Variants in MFSD2A observed in about 807,000 individuals in gnomAD.
MFSD2A encodes the protein sodium-dependent lysophosphatidylcholine symporter 1.
A neutral mutation model predicts 64.7 loss-of-function variants in MFSD2A; 27 were observed. That is an observed-to-expected ratio of 0.42 (90% CI 0.31 to 0.58). The LOEUF is 0.58. Among genes scored for constraint, MFSD2A ranks in the 20% least tolerant of loss-of-function variants. The pLI is 0.18. For synonymous variants in MFSD2A, 258 were observed against 273.4 expected (o/e 0.94, Z 0.55); for missense variants, 474 against 679.5 (o/e 0.70, Z 3.36).
rs1379587540 is a variant in MFSD2A, at chr1:39,967,154, A to C, written c.996A>C (p.Leu332=). Residue 332 remains leucine, a synonymous_variant, in exon 9 of 14, where the codon CTA becomes CTC. Coordinates refer to ENST00000372811, the MANE Select transcript of MFSD2A (RefSeq NM_032793.5). ...TLGFRNEFQN[L]LLAIMLSATL... is the part of the protein sequence containing the mutation. ...GCTTCCGCAATGAATTCCAGAATCTACTCCTGGCCATCATGGTGAGTGGGA... is the reference window on the plus strand; with the variant it reads ...GCTTCCGCAATGAATTCCAGAATCTCCTCCTGGCCATCATGGTGAGTGGGA... The C allele has an allele frequency of 6.2e-7, 1 of 1,612,652 alleles. No individual in the cohort carries two copies. The highest frequency in any genetic ancestry group is 8.5e-7 in the Non-Finnish European group (1 of 1,179,670).
chr1:39,968,163 A>C lies in MFSD2A; in HGVS notation c.1209-171A>C, dbSNP rs1270513372. 1 of 786,940 alleles carries C rather than the reference A, an allele frequency of 1.3e-6. No homozygotes were observed. The highest frequency in any genetic ancestry group is 2.0e-6 in the Non-Finnish European group (1 of 503,324). 48.7% of individuals were successfully genotyped at this position (786,940 alleles called of 1,614,324 possible). On this transcript the variant is annotated intron_variant, in intron 11 of 13. Transcript: ENST00000372811. The surrounding 1 kb of genome is among the most constrained non-coding windows in gnomAD (Gnocchi z 4.4). ...CTTGCCACGCTGAGCACCTCCAGGC[A>C]GGGTTACTTCCTCTTAGAGCAAGAG...
Position 39,969,538 on chromosome 1 carries a change from A to T in MFSD2A, c.1563A>T (p.Thr521=). ...DEASSSGCSE[T]DSTELASIL is the part of the protein sequence containing the mutation. ...CCAGCAGCTCTGGCTGCTCAGAAAC[A>T]GACTCCACAGAGCTGGCTAGCATCC... is the stretch of plus-strand genomic sequence containing the variant. The change falls in exon 14 of 14, where the codon ACA becomes ACT. Residue 521 remains threonine, a synonymous_variant. Coordinates refer to ENST00000372811, the MANE Select transcript of MFSD2A (RefSeq NM_032793.5). The T allele has an allele frequency of 3.8e-6, 6 of 1,599,546 alleles. No homozygotes were observed. In the East Asian group the frequency reaches 1.4e-4, roughly 37 times the overall value.
intron 1 of MFSD2A, among the ~76,000 whole-genome samples, chr1:39,956,159 G>A (rs900546464): frequency 6.6e-6 from 1 of 152,218 alleles, no homozygotes; most frequent in Non-Finnish European, 1.5e-5. Context: ...CCCGGAGAGG[G>A]ATCAGGCCTG....
rs781649203 is a variant in MFSD2A, at chr1:39,966,904, G to C, written c.899G>C (p.Gly300Ala). Residue 300 changes from glycine (G) to alanine (A), a missense_variant, in exon 8 of 14, where the codon GGC becomes GCC. Transcript: ENST00000372811. ...GGCCCATACATCAAACTTATTACTG[G>C]CTTCCTCTTCACCTCCTTGGCTTTC... is the stretch of plus-strand genomic sequence containing the variant. ...SHGPYIKLIT[G>A]FLFTSLAFML... 1 of 1,613,490 alleles carries C rather than the reference G, an allele frequency of 6.2e-7. No homozygotes were observed. The highest frequency in any genetic ancestry group is 8.5e-7 in the Non-Finnish European group (1 of 1,180,030).
Position 39,963,987 on chromosome 1 carries a change from C to T in MFSD2A, c.354-1224C>T, listed in dbSNP as rs140598965. ...CTGACCTCAGGTGATCCACTTGACTCAGTCTCCCAAAGTGCTGGGATTACA... is the reference window on the plus strand; with the variant it reads ...CTGACCTCAGGTGATCCACTTGACTTAGTCTCCCAAAGTGCTGGGATTACA... On this transcript the variant is annotated intron_variant, in intron 3 of 13. Coordinates refer to ENST00000372811, the MANE Select transcript of MFSD2A (RefSeq NM_032793.5). This position sits in a 1 kb window ranked among gnomAD's most constrained non-coding sequence, Gnocchi z 4.2. Among the ~76,000 whole-genome samples the T allele has an allele frequency of 1.2e-3, 185 of 152,366 alleles. No individual in the cohort carries two copies. The highest frequency in any genetic ancestry group is 4.3e-3 in the African/African-American group (178 of 41,592).
intron 1 of MFSD2A, 71 bp from the exon 2 acceptor site, chr1:39,957,016 G>T: frequency 6.3e-7 from 1 of 1,576,586 alleles, no homozygotes; most frequent in Non-Finnish European, 8.7e-7. Context: ...CAGAGGGATG[G>T]TCCTTCCTGT....
chr1:39,958,623 C>T lies in MFSD2A; in HGVS notation c.229-78C>T, dbSNP rs1644974173. On this transcript the variant is annotated intron_variant, in intron 2 of 13. Coordinates refer to ENST00000372811, the MANE Select transcript of MFSD2A (RefSeq NM_032793.5). The surrounding 1 kb of genome is among the most constrained non-coding windows in gnomAD (Gnocchi z 4.7). ...GATCCTGGCTGAGATAGGGAGGGAG[C>T]CTCTGCTTCTGCCTACCAGTGAGAG... 6.2e-7 allele frequency: 1 copy of T among 1,612,820 alleles called. No individual in the cohort carries two copies. The highest frequency in any genetic ancestry group is 2.2e-5 in the East Asian group (1 of 44,880).
intron 9 of MFSD2A, 153 bp from the exon 10 acceptor site, chr1:39,967,475 C>T (rs781384575): frequency 2.6e-5 from 19 of 725,944 alleles, no homozygotes; most frequent in South Asian, 6.5e-5. Flanking sequence ...CCTGGGGAGC[C>T]GTCAAAGGTG....
In MFSD2A at chr1:39,960,207, C is replaced by T. The variant is rs1462590228; in HGVS notation, c.353+1382C>T. On this transcript the variant is annotated intron_variant, in intron 3 of 13. Coordinates refer to ENST00000372811, the MANE Select transcript of MFSD2A (RefSeq NM_032793.5). The surrounding 1 kb of genome is among the most constrained non-coding windows in gnomAD (Gnocchi z 4.8). ...GCTGTCAGGCGGGGGCTCTGGTTCCCTCCAGGACATCCTGCTTCAGGGTGT... is the reference window on the plus strand; with the variant it reads ...GCTGTCAGGCGGGGGCTCTGGTTCCTTCCAGGACATCCTGCTTCAGGGTGT... Among the ~76,000 whole-genome samples the T allele has an allele frequency of 2.0e-5, 3 of 152,232 alleles. No homozygotes were observed. Among genetic ancestry groups the T allele is most frequent in the Admixed American group, 6.5e-5 (1 of 15,282 alleles).
intron 1 of MFSD2A, among the ~76,000 whole-genome samples, chr1:39,956,113 A>G (rs1269024302): frequency 6.6e-6 from 1 of 152,154 alleles, no homozygotes; most frequent in Non-Finnish European, 1.5e-5. Context: ...AGTAATATCT[A>G]CTTTCCCTGG....
Position 39,968,161 on chromosome 1 carries a change from G to T in MFSD2A, c.1209-173G>T. 1 of 782,680 alleles carries T rather than the reference G, an allele frequency of 1.3e-6. No homozygotes were observed. Among genetic ancestry groups the T allele is most frequent in the Non-Finnish European group, 2.0e-6 (1 of 499,628 alleles). 48.5% of individuals were successfully genotyped at this position (782,680 alleles called of 1,614,324 possible). A position where few individuals can be genotyped will look rare whatever the true frequency, so the allele number is the denominator to read the frequency against. Reference sequence around the variant, plus strand: ...CACTTGCCACGCTGAGCACCTCCAGGCAGGGTTACTTCCTCTTAGAGCAAG... The same window carrying T: ...CACTTGCCACGCTGAGCACCTCCAGTCAGGGTTACTTCCTCTTAGAGCAAG... On this transcript the variant is annotated intron_variant, in intron 11 of 13. Transcript: ENST00000372811. This position sits in a 1 kb window ranked among gnomAD's most constrained non-coding sequence, Gnocchi z 4.4.
chr1:39,966,723 T>G, intron 7 of MFSD2A, 32 bp downstream of exon 7: 1 of 1,613,210 alleles, frequency 6.2e-7, no homozygotes, highest in Non-Finnish European at 8.5e-7. Flanking sequence ...GGTGCAGGCC[T>G]CAGCATGGAC....
chr1:39,962,682 C>G (rs562189830), intron 3 of MFSD2A: 1 of 780,808 alleles, frequency 1.3e-6, no homozygotes, highest in South Asian at 1.5e-5. Flanking sequence ...GGGCCCGGGC[C>G]GAAGCTGCGG....
At position 39,966,856 on chromosome 1, in the gene MFSD2A, G is replaced by T; in HGVS notation, c.851G>T (p.Gly284Val). The change falls in exon 8 of 14, where the codon GGC becomes GTC. Residue 284 changes from glycine (G) to valine (V), a missense_variant. Physicochemically the swap from Gly to Val is moderately radical, Grantham distance 109 (BLOSUM62 -3). Coordinates refer to ENST00000372811, the MANE Select transcript of MFSD2A (RefSeq NM_032793.5). ...QQSEPIAYFR[G>V]LRLVMSHGPY... ...TCTGAGCCAATCGCCTACTTCCGGGGCCTACGGCTGGTCATGAGCCACGGC... is the reference window on the plus strand; with the variant it reads ...TCTGAGCCAATCGCCTACTTCCGGGTCCTACGGCTGGTCATGAGCCACGGC... 6.2e-7 allele frequency: 1 copy of T among 1,613,992 alleles called. No individual in the cohort carries two copies. Among genetic ancestry groups the T allele is most frequent in the Non-Finnish European group, 8.5e-7 (1 of 1,180,046 alleles).
Position 39,955,411 on chromosome 1 carries a change from G to C in MFSD2A, c.93+26G>C. The C allele has an allele frequency of 6.6e-7, 1 of 1,509,538 alleles. No individual in the cohort carries two copies. The highest frequency in any genetic ancestry group is 8.9e-7 in the Non-Finnish European group (1 of 1,128,654). The allele number at this position is 1,509,538 out of a possible 1,614,324, so 93.5% of individuals were successfully genotyped here. On this transcript the variant is annotated intron_variant, in intron 1 of 13. Transcript: ENST00000372811. This position sits in a 1 kb window ranked among gnomAD's most constrained non-coding sequence, Gnocchi z 5.9. Reference sequence around the variant, plus strand: ...GTGAGGGCCCGGCACCCCGCGTGGAGGGCGAGGGGAGGGAGGAGGCGGAAA... The same window carrying C: ...GTGAGGGCCCGGCACCCCGCGTGGACGGCGAGGGGAGGGAGGAGGCGGAAA...
In MFSD2A at chr1:39,955,390, G is replaced by T; in HGVS notation, c.93+5G>T. ...GAACGCCCGGCCCAGGTGAAGGTGAGGGCCCGGCACCCCGCGTGGAGGGCG... is the reference window on the plus strand; with the variant it reads ...GAACGCCCGGCCCAGGTGAAGGTGATGGCCCGGCACCCCGCGTGGAGGGCG... On this transcript the variant is annotated splice_donor_5th_base_variant and intron_variant, in intron 1 of 13. Coordinates refer to ENST00000372811, the MANE Select transcript of MFSD2A (RefSeq NM_032793.5). The surrounding 1 kb of genome is among the most constrained non-coding windows in gnomAD (Gnocchi z 5.9). 6.6e-7 allele frequency: 1 copy of T among 1,509,220 alleles called. No individual in the cohort carries two copies. The highest frequency in any genetic ancestry group is 8.9e-7 in the Non-Finnish European group (1 of 1,129,316). The allele number at this position is 1,509,220 out of a possible 1,614,324, so 93.5% of individuals were successfully genotyped here.
intron 9 of MFSD2A, 65 bp from the exon 10 acceptor site, chr1:39,967,563 G>A: frequency 2.0e-6 from 3 of 1,480,252 alleles, no homozygotes; most frequent in East Asian, 4.5e-5. Context: ...TGGGGTTCTG[G>A]GAAGGGCAGG....
Position 39,955,440 on chromosome 1 carries a change from G to A in MFSD2A, c.93+55G>A, listed in dbSNP as rs2124751745. 6.7e-7 allele frequency: 1 copy of A among 1,483,892 alleles called. No homozygotes were observed. The highest frequency in any genetic ancestry group is 9.0e-7 in the Non-Finnish European group (1 of 1,106,242). 91.9% of individuals were successfully genotyped at this position (1,483,892 alleles called of 1,614,324 possible). ...GAGGGGAGGGAGGAGGCGGAAATGG[G>A]GGATCAGGGGCGTCCCGGGGTCGGC... On this transcript the variant is annotated intron_variant, in intron 1 of 13. Coordinates refer to ENST00000372811, the MANE Select transcript of MFSD2A (RefSeq NM_032793.5). This position sits in a 1 kb window ranked among gnomAD's most constrained non-coding sequence, Gnocchi z 5.9.
chr1:39,955,681 G>T lies in MFSD2A; in HGVS notation c.93+296G>T, dbSNP rs1166366608. On this transcript the variant is annotated intron_variant, in intron 1 of 13. Coordinates refer to ENST00000372811, the MANE Select transcript of MFSD2A (RefSeq NM_032793.5). This position sits in a 1 kb window ranked among gnomAD's most constrained non-coding sequence, Gnocchi z 5.9. ...GGTTTCCATTCTTCCGTGTTGAGCG[G>T]CTGGGGCTTGCCGCCCCAAACCCCA... The T allele has an allele frequency of 1.6e-6, 1 of 621,500 alleles. No individual in the cohort carries two copies. Among genetic ancestry groups the T allele is most frequent in the Non-Finnish European group, 3.0e-6 (1 of 333,228 alleles). The allele number at this position is 621,500 out of a possible 1,614,324, so 38.5% of individuals were successfully genotyped here.
Sources: allele counts gnomAD v4.1 joint callset (sites outside exome capture counted in the v4.1 genomes callset), GRCh38; gene constraint gnomAD v4.1.1; non-coding constraint Gnocchi (gnomAD v3.1); transcripts MANE v1.5; gene names NCBI Gene and HGNC (gene_info 2026-07-23, HGNC 2026-07-21).